NOTCH2: variants seen among roughly 807,000 people sequenced by gnomAD.
NOTCH2 encodes the protein notch receptor 2, also known as neurogenic locus notch homolog protein 2.
A neutral mutation model predicts 235.8 loss-of-function variants in NOTCH2; 29 were observed. That is an observed-to-expected ratio of 0.12 (90% CI 0.09 to 0.17). The LOEUF is 0.17. Among genes scored for constraint, NOTCH2 ranks in the 10% least tolerant of loss-of-function variants. The pLI, the probability that NOTCH2 is intolerant of heterozygous loss-of-function variation, is 1.00. For synonymous variants in NOTCH2, 1,086 were observed against 1,141.5 expected, an observed-to-expected ratio of 0.95 and a Z score of 0.98; for missense variants, 2,285 against 3,150.2, an observed-to-expected ratio of 0.73 and a Z score of 6.57.
At chr1:119,953,480 C>G (rs180700207) in intron 14 of NOTCH2, 63 bp downstream of exon 14, 3 of 1,545,068 alleles carry the variant, frequency 1.9e-6, no homozygotes, top group Non-Finnish European at 2.7e-6. Flanking sequence ...AGAAGTGAGT[C>G]AAGCAGTATG....
At chr1:119,980,028 G>T (rs1651752999) in intron 5 of NOTCH2, among the ~76,000 whole-genome samples, 2 of 152,154 alleles carry the variant, frequency 1.3e-5, no homozygotes, top group Admixed American at 6.5e-5. Context: ...CAAGCATGTG[G>T]CTTATGTTCT....
chr1:120,010,512 TCCA>T (rs1653146911), intron 2 of NOTCH2, among the ~76,000 whole-genome samples: 1 of 151,178 alleles, frequency 6.6e-6, no homozygotes, highest in Non-Finnish European at 1.5e-5. Flanking sequence ...CAATCCCAAC[TCCA>T]CCATTTACTC....
chr1:119,963,564 GT>G lies in NOTCH2; in HGVS notation c.1915+9del, dbSNP rs782161308. On this transcript the variant is annotated intron_variant, in intron 11 of 33. Transcript: ENST00000256646. ...AAACCCCATACCAAACATAAACAGAGTGGGCTTACCTGACGTGCCTGGCTGG... is the reference window on the plus strand; with the variant it reads ...AAACCCCATACCAAACATAAACAGAGGGGCTTACCTGACGTGCCTGGCTGG... 1.2e-6 allele frequency: 2 copies of G among 1,607,952 alleles called. No individual in the cohort carries two copies. Among genetic ancestry groups the G allele is most frequent in the Non-Finnish European group, 1.7e-6 (2 of 1,174,336 alleles).
intron 5 of NOTCH2, among the ~76,000 whole-genome samples, chr1:119,971,159 T>G (rs1651344718): frequency 6.6e-6 from 1 of 152,240 alleles, no homozygotes; most frequent in Non-Finnish European, 1.5e-5. Flanking sequence ...AATATCACTC[T>G]ATCACACTTA....
Position 119,979,972 on chromosome 1 carries a change from C to CCATGGT in NOTCH2, c.874+6982_874+6987dup, listed in dbSNP as rs1651750492. Reference sequence around the variant, plus strand: ...ACATAGTATAATATAAATTATCACACCATGGTCTGTCGTTCTCGTGGACCA... The same window carrying CCATGGT: ...ACATAGTATAATATAAATTATCACACCATGGTCATGGTCTGTCGTTCTCGTGGACCA... On this transcript the variant is annotated intron_variant, in intron 5 of 33. Transcript: ENST00000256646. 2.0e-5 allele frequency among the ~76,000 whole-genome samples: 3 copies of CCATGGT among 152,272 alleles called. No individual in the cohort carries two copies. The South Asian group carries it at 6.2e-4, about 32-fold the overall frequency.
chr1:119,962,749 G>C (rs868978319), intron 11 of NOTCH2, among the ~76,000 whole-genome samples: 2 of 152,162 alleles, frequency 1.3e-5, no homozygotes, highest in Non-Finnish European at 2.9e-5. Context: ...GGCACACATT[G>C]GTTAATCTTC....
intron 12 of NOTCH2, among the ~76,000 whole-genome samples, chr1:119,957,443 A>T (rs1169407333): frequency 2.6e-5 from 4 of 152,234 alleles, no homozygotes; most frequent in Non-Finnish European, 5.9e-5. Flanking sequence ...CTTAGTATTA[A>T]AACAAAAAAA....
At chr1:119,919,662 T>A in intron 30 of NOTCH2, 49 bp from the exon 31 acceptor site, 2 of 1,568,342 alleles carry the variant, frequency 1.3e-6, no homozygotes, top group Non-Finnish European at 8.7e-7. Context: ...AGAAGGTAGT[T>A]AACCCTATGG....
At chr1:120,065,840 A>G (rs1295442294) in intron 1 of NOTCH2, among the ~76,000 whole-genome samples, 2 of 152,224 alleles carry the variant, frequency 1.3e-5, no homozygotes, top group Admixed American at 1.3e-4. Flanking sequence ...AGGCATTCGA[A>G]CTGAGACATC....
At chr1:119,971,065 C>T (rs587662678) in intron 5 of NOTCH2, among the ~76,000 whole-genome samples, 6 of 152,346 alleles carry the variant, frequency 3.9e-5, no homozygotes, top group South Asian at 4.1e-4. Flanking sequence ...TCATTACTCG[C>T]GGATGCTAGT....
intron 1 of NOTCH2, among the ~76,000 whole-genome samples, chr1:120,037,239 G>A (rs1654344016): frequency 6.6e-6 from 1 of 151,160 alleles, no homozygotes; most frequent in Admixed American, 6.6e-5. Context: ...AGTTATACAG[G>A]CTCTTTTAAC....
At position 119,955,207 on chromosome 1, in the gene NOTCH2, A is replaced by G; in HGVS notation, c.2052T>C (p.Asp684=). ...FTGQRCNIDI[D]ECASNPCRKG... ...TGCGACAGGGATTGGAGGCACACTCATCAATGTCAATGTTACATCTCTGCC... is the reference window on the plus strand; with the variant it reads ...TGCGACAGGGATTGGAGGCACACTCGTCAATGTCAATGTTACATCTCTGCC... Residue 684 remains aspartate, a synonymous_variant, in exon 13 of 34, where the codon GAT becomes GAC. Transcript: ENST00000256646. 6.2e-7 allele frequency: 1 copy of G among 1,614,168 alleles called. No homozygotes were observed.
intron 9 of NOTCH2, 118 bp downstream of exon 9, chr1:119,966,258 C>A (rs1206774525): frequency 1.3e-6 from 1 of 777,930 alleles, no homozygotes; most frequent in Admixed American, 1.8e-5. Context: ...TATCACCAAG[C>A]ACTTACTCTA....
In NOTCH2 at chr1:119,916,423, C is replaced by A. The variant is rs2101144548; in HGVS notation, c.6299G>T (p.Gly2100Val). 2 of 1,614,106 alleles carry A rather than the reference C, an allele frequency of 1.2e-6. No homozygotes were observed. Among genetic ancestry groups the A allele is most frequent in the Non-Finnish European group, 1.7e-6 (2 of 1,179,986 alleles). The change falls in exon 34 of 34, where the codon GGC (glycine) becomes GTC (valine). Residue 2100 changes from glycine (G) to valine (V), a missense_variant. Gly to Val is a moderately radical substitution (Grantham distance 109). Coordinates refer to ENST00000256646, the MANE Select transcript of NOTCH2 (RefSeq NM_024408.4). Reference protein sequence around the residue: ...SFLSLKHTPMGKKSRRPSAKS... With the variant: ...SFLSLKHTPMVKKSRRPSAKS... ...GGCACTGGGCCGTCTAGACTTCTTG[C>A]CCATTGGGGTGTGCTTCAGGCTGAG... is the stretch of plus-strand genomic sequence containing the variant.
rs781933141 is a variant in NOTCH2 at position 119,987,053 on chromosome 1, T to C, written c.781A>G (p.Ile261Val). ...CACCTGTGGTTAGGGCAGTCATCAATATTCCTCTCACAGGTGCTCCCTTCA... is the reference window on the plus strand; with the variant it reads ...CACCTGTGGTTAGGGCAGTCATCAACATTCCTCTCACAGGTGCTCCCTTCA... ...GFEGSTCERN[I>V]DDCPNHRCQN... Residue 261 changes from isoleucine to valine, a missense_variant, in exon 5 of 34, where the codon ATT (isoleucine) becomes GTT (valine). This residue lies in a region of NOTCH2 where 431 missense variants were observed against 757.8 expected (regional missense o/e 0.57). Coordinates refer to ENST00000256646, the MANE Select transcript of NOTCH2 (RefSeq NM_024408.4). The C allele has an allele frequency of 6.2e-6, 10 of 1,613,694 alleles. No homozygotes were observed. Among genetic ancestry groups the C allele is most frequent in the Middle Eastern group, 1.7e-4 (1 of 6,060 alleles).
At chr1:119,948,017 T>A (rs781798243) in intron 17 of NOTCH2, among the ~76,000 whole-genome samples, 4 of 152,214 alleles carry the variant, frequency 2.6e-5, no homozygotes, top group Non-Finnish European at 5.9e-5. Flanking sequence ...GGGATGAAGA[T>A]AGTTTTAGGG....
At chr1:120,008,921 G>GA (rs1248526789) in intron 2 of NOTCH2, among the ~76,000 whole-genome samples, 4 of 151,708 alleles carry the variant, frequency 2.6e-5, no homozygotes, top group African/African-American at 4.8e-5. Flanking sequence ...TAAGTGCTGT[G>GA]AAAAAAAATT....
In NOTCH2 at chr1:120,000,012, GAAGGGAGA is replaced by G. The variant is rs1229794638; in HGVS notation, c.416-2688_416-2681del. Among the ~76,000 whole-genome samples, 8 of 148,252 alleles carry G rather than the reference GAAGGGAGA, an allele frequency of 5.4e-5. No homozygotes were observed. In the South Asian group the frequency reaches 6.5e-4, roughly 12 times the overall value. On this transcript the variant is annotated intron_variant, in intron 3 of 33. Coordinates refer to ENST00000256646, the MANE Select transcript of NOTCH2 (RefSeq NM_024408.4). ...GGAAGGAAGGAAGGAAGGAAGGAAG[GAAGGGAGA>G]AAGGAAGGAAGGAAGGGAGAAAGAA... is the stretch of plus-strand genomic sequence containing the variant.
Position 119,937,376 on chromosome 1 carries a change from C to T in NOTCH2, c.3428G>A (p.Gly1143Glu). Reference sequence around the variant, plus strand: ...ATCGAGTTGCTCCTCACAGTAGCTCCCAGTATAGCCCAGGGGGCACTGACA... The same window carrying T: ...ATCGAGTTGCTCCTCACAGTAGCTCTCAGTATAGCCCAGGGGGCACTGACA... ...HYCQCPLGYT[G>E]SYCEEQLDEC... Residue 1143 changes from glycine (G) to glutamate (E), a missense_variant, in exon 21 of 34, where the codon GGG (glycine) becomes GAG (glutamate). Gly to Glu is a moderately conservative substitution (Grantham distance 98, BLOSUM62 -2). Coordinates refer to ENST00000256646, the MANE Select transcript of NOTCH2 (RefSeq NM_024408.4). 3 of 1,614,138 alleles carry T rather than the reference C, an allele frequency of 1.9e-6. No individual in the cohort carries two copies. Among genetic ancestry groups the T allele is most frequent in the Non-Finnish European group, 1.7e-6 (2 of 1,180,036 alleles).
Sources: allele counts gnomAD v4.1 joint callset (sites outside exome capture counted in the v4.1 genomes callset), GRCh38; gene constraint gnomAD v4.1.1; regional missense constraint gnomAD v4.1.1; transcripts MANE v1.5; gene names NCBI Gene and HGNC (gene_info 2026-07-23, HGNC 2026-07-21).